The following DIAPH2 variants were observed in gnomAD, a reference collection of about 807,000 sequenced individuals.
DIAPH2 encodes diaphanous related formin 2.
DIAPH2 carries 35 observed loss-of-function variants against 92.7 expected under a neutral mutation model. The observed-to-expected ratio is 0.38, with a 90% confidence interval of 0.29 to 0.50. The LOEUF (loss-of-function observed/expected upper bound fraction) is 0.50, where lower values mean the gene tolerates loss of function less well. Among genes scored for constraint, DIAPH2 ranks in the 20% least tolerant of loss-of-function variants. The pLI is 0.94. For missense variants in DIAPH2, 701 were observed against 819.5 expected, an observed-to-expected ratio of 0.86 and a Z score of 1.77; for synonymous variants, 301 against 280.4, an observed-to-expected ratio of 1.07 and a Z score of -0.73.
intron 5 of DIAPH2, among the ~76,000 whole-genome samples, chrX:96,902,634 G>A (rs761494463): frequency 9.0e-6 from 1 of 110,781 alleles, no homozygotes; most frequent in Admixed American, 9.6e-5. Flanking sequence ...ACATCATGTT[G>A]TACAGTATAA....
chrX:97,393,228 A>T (rs1227244178), intron 25 of DIAPH2, among the ~76,000 whole-genome samples: 2 of 111,641 alleles, frequency 1.8e-5, no homozygotes, highest in African/African-American at 6.5e-5. Flanking sequence ...GTTTGAGAAG[A>T]TGGTAACAGG....
intron 22 of DIAPH2, among the ~76,000 whole-genome samples, chrX:97,182,184 A>C (rs1047204425): frequency 1.8e-4 from 20 of 111,226 alleles, no homozygotes; most frequent in African/African-American, 5.9e-4. Context: ...TAGGAGGAAG[A>C]GAAGAGGTTG....
At chrX:96,939,489 T>TGTATATATATAC (rs2065680485) in intron 12 of DIAPH2, 107 bp downstream of exon 12, 1 of 111,572 alleles carries the variant, frequency 9.0e-6, no homozygotes, top group African/African-American at 4.5e-5. Context: ...TGTGTGTATG[T>TGTATATATATAC]ATATATATAT....
intron 15 of DIAPH2, among the ~76,000 whole-genome samples, chrX:96,951,554 C>T (rs952753919): frequency 2.4e-4 from 27 of 111,575 alleles, no homozygotes; most frequent in African/African-American, 8.5e-4. Flanking sequence ...TTCTCAACTC[C>T]TGGCCTCAAG....
intron 17 of DIAPH2, among the ~76,000 whole-genome samples, chrX:96,981,847 C>G (rs1435008632): frequency 1.8e-5 from 2 of 111,838 alleles, no homozygotes; most frequent in Admixed American, 9.5e-5. Flanking sequence ...AAAAATCTCA[C>G]TTCAAGATCC....
chrX:97,386,561 G>A (rs1289704149), intron 25 of DIAPH2, among the ~76,000 whole-genome samples: 1 of 110,071 alleles, frequency 9.1e-6, no homozygotes. Flanking sequence ...CCAGCTACTC[G>A]GGAGGCTGAG....
At chrX:97,287,827 C>T (rs779183693) in intron 23 of DIAPH2, among the ~76,000 whole-genome samples, 5 of 106,371 alleles carry the variant, frequency 4.7e-5, no homozygotes, top group Admixed American at 1.0e-4. Flanking sequence ...CTAGTATGCA[C>T]CTTTAATCCC....
At chrX:97,307,765 G>A (rs754627202) in intron 23 of DIAPH2, among the ~76,000 whole-genome samples, 9 of 108,665 alleles carry the variant, frequency 8.3e-5, no homozygotes, top group Admixed American at 4.0e-4. Context: ...AAAATTAGCC[G>A]GGCGTGGTGG....
chrX:97,597,359 T>A (rs1426119543), intron 26 of DIAPH2, among the ~76,000 whole-genome samples: 1 of 112,487 alleles, frequency 8.9e-6, no homozygotes, highest in Admixed American at 9.4e-5. Flanking sequence ...TCACACCAGA[T>A]GACACCAGTA....
chrX:96,935,524 A>C (rs2065651378), intron 10 of DIAPH2, among the ~76,000 whole-genome samples: 1 of 111,247 alleles, frequency 9.0e-6, no homozygotes, highest in Admixed American at 9.6e-5. Flanking sequence ...TTTTGCTTCA[A>C]GTTGCAGTTT....
At chrX:96,921,018 T>G (rs1306368004) in intron 9 of DIAPH2, among the ~76,000 whole-genome samples, 1 of 111,936 alleles carries the variant, frequency 8.9e-6, no homozygotes, top group African/African-American at 3.2e-5. Flanking sequence ...ACCCAAAAGT[T>G]TAAATCTGTT....
intron 24 of DIAPH2, among the ~76,000 whole-genome samples, chrX:97,363,487 T>C (rs2069345782): frequency 2.9e-5 from 3 of 101,884 alleles, no homozygotes; most frequent in African/African-American, 7.3e-5. Flanking sequence ...CAAAACCCCA[T>C]CTCTACTAAA....
At chrX:96,866,179 C>T (rs978950073) in intron 4 of DIAPH2, among the ~76,000 whole-genome samples, 3 of 111,480 alleles carry the variant, frequency 2.7e-5, no homozygotes, top group Admixed American at 9.6e-5. Flanking sequence ...CTTACATGAA[C>T]AGCTCTTGCC....
At chrX:97,511,954 T>A (rs373367525) in intron 26 of DIAPH2, among the ~76,000 whole-genome samples, 38 of 113,386 alleles carry the variant, frequency 3.4e-4, no homozygotes, top group Admixed American at 1.8e-3. Context: ...CATCAAGGAT[T>A]TTGGTCTAAA....
At chrX:97,385,525 C>T (rs2069591505) in intron 25 of DIAPH2, among the ~76,000 whole-genome samples, 2 of 111,465 alleles carry the variant, frequency 1.8e-5, no homozygotes, top group Admixed American at 1.9e-4. Context: ...GCCACTGCAC[C>T]CGGCACTTTT....
At chrX:97,291,106 G>T (rs1330200966) in intron 23 of DIAPH2, among the ~76,000 whole-genome samples, 1 of 107,139 alleles carries the variant, frequency 9.3e-6, no homozygotes, top group Non-Finnish European at 1.9e-5. Context: ...AAACAAAAAA[G>T]CTGGGTGCTG....
chrX:97,295,724 G>A (rs1174979661), intron 23 of DIAPH2, among the ~76,000 whole-genome samples: 1 of 95,577 alleles, frequency 1.0e-5, no homozygotes, highest in African/African-American at 3.4e-5. Context: ...AATACATGCT[G>A]TATTTTCTTC....
At position 97,185,311 on chromosome X, in the gene DIAPH2, A is replaced by ATATATATATATGTG. The variant is rs2067572799; in HGVS notation, c.2719+43528_2719+43529insGTGTATATATATAT. On this transcript the variant is annotated intron_variant, in intron 22 of 26. Coordinates refer to ENST00000324765, the MANE Select transcript of DIAPH2 (RefSeq NM_006729.5). Reference sequence around the variant, plus strand: ...CCCTGTCTCAAAAAAAAAAAAATATATATATATATATATGTGTATATATAT... The same window carrying ATATATATATATGTG: ...CCCTGTCTCAAAAAAAAAAAAATATATATATATATATGTGTATATATATATATGTGTATATATAT... 1.4e-4 allele frequency among the ~76,000 whole-genome samples: 7 copies of ATATATATATATGTG among 49,800 alleles called. 1 individual carries two copies. The highest frequency in any genetic ancestry group is 5.8e-4 in the Admixed American group (2 of 3,446). 43.2% of individuals were successfully genotyped at this position (49,800 alleles called of 115,157 possible). A position where few individuals can be genotyped will look rare whatever the true frequency, so the allele number is the denominator to read the frequency against.
intron 26 of DIAPH2, among the ~76,000 whole-genome samples, chrX:97,511,920 A>G (rs1474199558): frequency 4.4e-5 from 5 of 112,824 alleles, no homozygotes; most frequent in African/African-American, 1.6e-4. Flanking sequence ...CCAGTATTTT[A>G]TTGAGGATTT....
Sources: gnomAD v4.1 joint callset for allele counts (sites outside exome capture counted in the v4.1 genomes callset) on GRCh38, gnomAD v4.1.1 for gene constraint, MANE v1.5 for transcripts, NCBI Gene and HGNC (gene_info 2026-07-23, HGNC 2026-07-21) for gene names.